The following SPOCK1 variants were observed in gnomAD, a reference collection of about 807,000 sequenced individuals.
SPOCK1 encodes SPARC (osteonectin), cwcv and kazal like domains proteoglycan 1, also known as testican-1.
SPOCK1 carries 23 observed loss-of-function variants against 55.3 expected under a neutral mutation model. The observed-to-expected ratio is 0.42, with a 90% CI of 0.30 to 0.59. The LOEUF is 0.59. Among genes scored for constraint, SPOCK1 ranks in the 20% least tolerant of loss-of-function variants. SPOCK1 has a pLI of 0.22. For missense variants in SPOCK1, 499 were observed against 552.5 expected (o/e 0.90, Z 0.97); for synonymous variants, 226 against 221.0 (o/e 1.02, Z -0.20).
At chr5:137,135,932 A>G (rs1404910212) in intron 4 of SPOCK1, among the ~76,000 whole-genome samples, 3 of 152,266 alleles carry the variant, frequency 2.0e-5, no homozygotes, top group African/African-American at 7.2e-5. Context: ...TCCATCACAC[A>G]TAAAGCTGAT....
chr5:137,014,864 T>C (rs866768756), intron 6 of SPOCK1, among the ~76,000 whole-genome samples: 9 of 152,158 alleles, frequency 5.9e-5, no homozygotes, highest in Non-Finnish European at 1.0e-4. Flanking sequence ...AAACCACCCA[T>C]TTATCTGACA....
At chr5:137,090,079 T>C (rs1753026737) in intron 5 of SPOCK1, among the ~76,000 whole-genome samples, 1 of 152,178 alleles carries the variant, frequency 6.6e-6, no homozygotes, top group South Asian at 2.1e-4. Flanking sequence ...CGGAATCAAC[T>C]TGGAGATGGC....
chr5:137,488,025 G>A (rs4976448), intron 2 of SPOCK1, among the ~76,000 whole-genome samples: 151,635 of 152,330 alleles, frequency 1, 75,475 homozygotes, highest in East Asian at 1. Context: ...ATTTGGGATG[G>A]ATAACAATTC....
chr5:137,284,312 C>T (rs542897771), intron 2 of SPOCK1, among the ~76,000 whole-genome samples: 1 of 152,306 alleles, frequency 6.6e-6, no homozygotes, highest in East Asian at 1.9e-4. Context: ...CGACTCAGAC[C>T]CATACAACCA....
intron 2 of SPOCK1, among the ~76,000 whole-genome samples, chr5:137,403,961 A>G (rs739701): frequency 0.51 from 77,632 of 152,030 alleles, 20,222 homozygotes; most frequent in Middle Eastern, 0.66. Context: ...TGTGCTGAGC[A>G]TTGACTCAGG....
chr5:137,281,110 T>A (rs530536358), intron 2 of SPOCK1, among the ~76,000 whole-genome samples: 1 of 152,244 alleles, frequency 6.6e-6, no homozygotes, highest in Non-Finnish European at 1.5e-5. Flanking sequence ...TAAATTCATA[T>A]ATTATCTATA....
chr5:137,029,552 G>A (rs978736085), intron 6 of SPOCK1, among the ~76,000 whole-genome samples: 1 of 152,210 alleles, frequency 6.6e-6, no homozygotes, highest in Non-Finnish European at 1.5e-5. Flanking sequence ...GAAGAGCTGG[G>A]ATTAGGCCCT....
intron 6 of SPOCK1, among the ~76,000 whole-genome samples, chr5:137,036,688 C>T (rs188026072): frequency 3.2e-4 from 48 of 152,322 alleles, no homozygotes; most frequent in African/African-American, 1.1e-3. Flanking sequence ...TTTTACAGGA[C>T]GGTAAGGCCG....
intron 2 of SPOCK1, among the ~76,000 whole-genome samples, chr5:137,438,119 A>G (rs1342811009): frequency 6.6e-6 from 1 of 152,016 alleles, no homozygotes; most frequent in Non-Finnish European, 1.5e-5. Context: ...TGAATACATT[A>G]TGAGCTTTTT....
chr5:137,275,837 G>C (rs1220541777), intron 2 of SPOCK1, among the ~76,000 whole-genome samples: 1 of 152,168 alleles, frequency 6.6e-6, no homozygotes, highest in Admixed American at 6.5e-5. Context: ...CCTTCCCTCT[G>C]CCGTTCAGGC....
intron 4 of SPOCK1, among the ~76,000 whole-genome samples, chr5:137,139,790 G>A (rs1754059604): frequency 6.6e-6 from 1 of 152,078 alleles, no homozygotes; most frequent in Non-Finnish European, 1.5e-5. Flanking sequence ...TGCCCCATCT[G>A]ACTCCCTTCT....
At chr5:137,210,815 C>T (rs2127081482) in intron 3 of SPOCK1, among the ~76,000 whole-genome samples, 1 of 152,302 alleles carries the variant, frequency 6.6e-6, no homozygotes, top group Non-Finnish European at 1.5e-5. Context: ...GGCTTTATGC[C>T]AGTTAGGGAA....
intron 2 of SPOCK1, among the ~76,000 whole-genome samples, chr5:137,269,669 G>A (rs2127118050): frequency 6.6e-6 from 1 of 152,290 alleles, no homozygotes; most frequent in Admixed American, 6.5e-5. Context: ...CTGTGTCTGG[G>A]AGAATTCTGG....
chr5:137,380,424 T>C (rs1414532136), intron 2 of SPOCK1, among the ~76,000 whole-genome samples: 1 of 152,192 alleles, frequency 6.6e-6, no homozygotes, highest in African/African-American at 2.4e-5. Context: ...AAAAAGTCTC[T>C]TGCTTAGGAA....
intron 2 of SPOCK1, among the ~76,000 whole-genome samples, chr5:137,476,597 G>C (rs71589366): frequency 6.6e-6 from 1 of 152,114 alleles, no homozygotes; most frequent in African/African-American, 2.4e-5. Context: ...AGTGGGGCAG[G>C]GCAGGTGTGC....
chr5:137,093,730 G>A (rs1753089021), intron 5 of SPOCK1, among the ~76,000 whole-genome samples: 1 of 152,158 alleles, frequency 6.6e-6, no homozygotes, highest in Non-Finnish European at 1.5e-5. Context: ...GCAGGCAGAG[G>A]GAACGGGATG....
chr5:137,258,294 G>T (rs768117613), intron 3 of SPOCK1, among the ~76,000 whole-genome samples: 6 of 152,166 alleles, frequency 3.9e-5, no homozygotes, highest in Admixed American at 2.6e-4. Flanking sequence ...CCACTATACC[G>T]CATTGCCTTT....
At chr5:137,353,964 C>A (rs1479779742) in intron 2 of SPOCK1, among the ~76,000 whole-genome samples, 1 of 152,168 alleles carries the variant, frequency 6.6e-6, no homozygotes. Context: ...CCCTCCTCAA[C>A]GGCATCACCA....
chr5:137,153,403 G>A (rs1355078790), intron 3 of SPOCK1, among the ~76,000 whole-genome samples: 1 of 152,104 alleles, frequency 6.6e-6, no homozygotes, highest in Non-Finnish European at 1.5e-5. Flanking sequence ...ATGTAGGGGA[G>A]ACTTCAATTT....
Sources: allele counts gnomAD v4.1 joint callset (sites outside exome capture counted in the v4.1 genomes callset), GRCh38; gene constraint gnomAD v4.1.1; transcripts MANE v1.5; gene names NCBI Gene and HGNC (gene_info 2026-07-23, HGNC 2026-07-21).